The following RNF145 variants were observed in gnomAD, a reference collection of about 807,000 sequenced individuals.
RNF145 encodes ring finger protein 145.
Under a neutral mutation model 57.3 loss-of-function variants are expected in RNF145, and 12 were observed. That is an observed-to-expected ratio of 0.21 (90% CI 0.13 to 0.34). RNF145 has a LOEUF of 0.34. Among genes scored for constraint, RNF145 ranks in the 10% least tolerant of loss-of-function variants. RNF145 has a pLI of 1.00. For synonymous variants in RNF145, 262 were observed against 288.3 expected (o/e 0.91, Z 0.92); for missense variants, 429 against 799.0 (o/e 0.54, Z 5.58).
At position 159,196,232 on chromosome 5, in the gene RNF145, T is replaced by G. The variant is rs529947059; in HGVS notation, c.185-1408A>C. The stretch of plus-strand genomic sequence containing the variant: ...AAACTTTCTTAAAATATTATGAGTT[T>G]TTTTTTTTTTTTTTGCAATTTTAAG... On this transcript the variant is annotated intron_variant, in intron 2 of 10. Coordinates refer to ENST00000424310, the MANE Select transcript of RNF145 (RefSeq NM_001199383.2). Among the ~76,000 whole-genome samples the G allele has an allele frequency of 5.6e-3, 818 of 146,712 alleles. 7 individuals carry two copies. Among genetic ancestry groups the G allele is most frequent in the African/African-American group, 0.02 (787 of 38,520 alleles).
chr5:159,195,886 A>G (rs916888309), intron 2 of RNF145, among the ~76,000 whole-genome samples: 2 of 152,182 alleles, frequency 1.3e-5, no homozygotes, highest in Non-Finnish European at 2.9e-5. Context: ...TTCCACTTAA[A>G]TGTTCTCATA....
chr5:159,164,872 G>A (rs1784342137), intron 8 of RNF145, among the ~76,000 whole-genome samples: 1 of 152,150 alleles, frequency 6.6e-6, no homozygotes, highest in African/African-American at 2.4e-5. Flanking sequence ...GCTAAACGTG[G>A]AAATTACCTA....
intron 1 of RNF145, chr5:159,207,408 TAA>T (rs2113259377): frequency 1.9e-6 from 2 of 1,052,888 alleles, no homozygotes; most frequent in East Asian, 5.2e-5. Flanking sequence ...TGACCCAACT[TAA>T]AACTATTCAG....
In RNF145 at chr5:159,158,476, T is replaced by C. The variant is rs1352895507; in HGVS notation, c.*194A>G. On this transcript the variant is annotated 3_prime_UTR_variant, in exon 11 of 11. Coordinates refer to ENST00000424310, the MANE Select transcript of RNF145 (RefSeq NM_001199383.2). ...ATAAATACATTTTGATTAGCATACA[T>C]TGCAAAATTTCTCCCACAATGTCAG... 6.3e-6 allele frequency: 4 copies of C among 638,106 alleles called. No individual in the cohort carries two copies. Among genetic ancestry groups the C allele is most frequent in the Non-Finnish European group, 8.0e-6 (3 of 374,426 alleles). 39.5% of individuals were successfully genotyped at this position (638,106 alleles called of 1,614,324 possible).
chr5:159,163,801 T>A (rs555587019), intron 8 of RNF145, among the ~76,000 whole-genome samples: 13 of 152,352 alleles, frequency 8.5e-5, no homozygotes, highest in African/African-American at 2.9e-4. Context: ...CTGTTCCTCA[T>A]AAACCAAGCT....
intron 2 of RNF145, among the ~76,000 whole-genome samples, chr5:159,197,668 T>C (rs1046113152): frequency 6.6e-6 from 1 of 152,202 alleles, no homozygotes; most frequent in Admixed American, 6.5e-5. Flanking sequence ...GACACAAACA[T>C]GCATCACAAC....
chr5:159,194,635 A>C (rs1230021696), intron 3 of RNF145, 81 bp downstream of exon 3: 1 of 886,278 alleles, frequency 1.1e-6, no homozygotes, highest in Non-Finnish European at 1.9e-6. Flanking sequence ...TTTACTTAAC[A>C]GTGTTCATGA....
At chr5:159,208,102 C>A in intron 1 of RNF145, 2 of 1,449,968 alleles carry the variant, frequency 1.4e-6, no homozygotes, top group South Asian at 1.5e-5. Context: ...ACTGCACAGG[C>A]CCCTTCCTCT....
At chr5:159,170,076 G>A (rs1456782197) in intron 6 of RNF145, among the ~76,000 whole-genome samples, 1 of 152,156 alleles carries the variant, frequency 6.6e-6, no homozygotes, top group Non-Finnish European at 1.5e-5. Context: ...TTCAAATACA[G>A]TAAAATTCAA....
At chr5:159,179,142 C>T (rs1468258830) in intron 4 of RNF145, among the ~76,000 whole-genome samples, 1 of 152,040 alleles carries the variant, frequency 6.6e-6, no homozygotes, top group Non-Finnish European at 1.5e-5. Context: ...TATGCCAGCA[C>T]ATGTGGTGCT....
At position 159,158,425 on chromosome 5, in the gene RNF145, CTCTATAA is replaced by C; in HGVS notation, c.*238_*244del. 1 of 459,800 alleles carries C rather than the reference CTCTATAA, an allele frequency of 2.2e-6. No homozygotes were observed. Among genetic ancestry groups the C allele is most frequent in the Non-Finnish European group, 3.9e-6 (1 of 257,378 alleles). The allele number at this position is 459,800 out of a possible 1,614,324, so 28.5% of individuals were successfully genotyped here. ...CTGAGGTTGAATTTTCTTCACAAAC[CTCTATAA>C]AACATCAGCAGAGAACATATAAATA... On this transcript the variant is annotated 3_prime_UTR_variant, in exon 11 of 11. Transcript: ENST00000424310.
At chr5:159,190,514 C>T (rs1250448285) in intron 3 of RNF145, among the ~76,000 whole-genome samples, 2 of 151,580 alleles carry the variant, frequency 1.3e-5, no homozygotes, top group Non-Finnish European at 2.9e-5. Flanking sequence ...AGCAAGAAAC[C>T]CATCTCTACA....
chr5:159,164,228 C>G (rs1025531513), intron 8 of RNF145, among the ~76,000 whole-genome samples: 1 of 151,556 alleles, frequency 6.6e-6, no homozygotes, highest in Non-Finnish European at 1.5e-5. Context: ...TTTTTCTTGC[C>G]AAAAACTAAT....
chr5:159,176,936 A>C, intron 4 of RNF145, 69 bp from the exon 5 acceptor site: 1 of 867,384 alleles, frequency 1.2e-6, no homozygotes, highest in Non-Finnish European at 1.8e-6. Flanking sequence ...CAAACAAAAA[A>C]CACTGTTGAT....
Position 159,161,595 on chromosome 5 carries a change from A to G in RNF145, c.1297T>C (p.Leu433=). 6.3e-7 allele frequency: 1 copy of G among 1,599,704 alleles called. No homozygotes were observed. ...QVLGTLFIYV[L]FMVEEFRKEP... is the part of the protein sequence containing the mutation. ...TTTCTGAATTCCTCAACCATAAATA[A>G]GACATAAATAAAAAGTGTTCCCAGA... is the stretch of plus-strand genomic sequence containing the variant. The change falls in exon 10 of 11, where the codon TTA becomes CTA. Residue 433 remains leucine (L), a synonymous_variant. Transcript: ENST00000424310.
intron 8 of RNF145, 121 bp downstream of exon 8, chr5:159,168,752 A>C (rs1366103816): frequency 1.9e-6 from 1 of 531,896 alleles, no homozygotes; most frequent in African/African-American, 2.0e-5. Context: ...AATTAACCTA[A>C]GCTAATACCA....
At chr5:159,173,878 T>TTG (rs1480856774) in intron 6 of RNF145, 105 bp downstream of exon 6, 1 of 768,376 alleles carries the variant, frequency 1.3e-6, no homozygotes, top group African/African-American at 1.8e-5. Flanking sequence ...AAATACGAAG[T>TTG]TGTGTAACAT....
intron 2 of RNF145, among the ~76,000 whole-genome samples, chr5:159,198,993 T>C (rs1562074362): frequency 6.6e-6 from 1 of 152,132 alleles, no homozygotes; most frequent in Non-Finnish European, 1.5e-5. Flanking sequence ...CATACATATA[T>C]ATAAAATTCA....
At chr5:159,206,418 C>A (rs1785882956) in intron 1 of RNF145, among the ~76,000 whole-genome samples, 1 of 152,146 alleles carries the variant, frequency 6.6e-6, no homozygotes, top group South Asian at 2.1e-4. Flanking sequence ...AGTAAAAGAG[C>A]ACATGATAGT....
Sources: allele counts gnomAD v4.1 joint callset (sites outside exome capture counted in the v4.1 genomes callset), GRCh38; gene constraint gnomAD v4.1.1; transcripts MANE v1.5; gene names NCBI Gene and HGNC (gene_info 2026-07-23, HGNC 2026-07-21).